The following CDH13 variants were observed in gnomAD, a reference collection of about 807,000 sequenced individuals.
CDH13 encodes the protein cadherin 13, also known as cadherin-13.
In CDH13, 24 loss-of-function variants were observed where a neutral mutation model predicts 63.8. The observed-to-expected ratio is 0.38, with a 90% CI of 0.27 to 0.53. The LOEUF is 0.53. CDH13 is among the 20% of genes least tolerant of loss of function. The probability of loss-of-function intolerance (pLI) is 0.85; values close to 1 mark genes in which losing one functional copy is unlikely to be tolerated. For synonymous variants in CDH13, 503 were observed against 355.3 expected (o/e 1.42, Z -4.67); for missense variants, 1,049 against 903.1 (o/e 1.16, Z -2.07).
chr16:82,866,753 C>T (rs184306982), intron 2 of CDH13, among the ~76,000 whole-genome samples: 37 of 152,148 alleles, frequency 2.4e-4, no homozygotes, highest in African/African-American at 8.9e-4. Flanking sequence ...AGAGAGAAAG[C>T]AAGGCACCTT....
At chr16:83,298,844 A>G (rs1396923754) in intron 5 of CDH13, among the ~76,000 whole-genome samples, 1 of 152,224 alleles carries the variant, frequency 6.6e-6, no homozygotes, top group African/African-American at 2.4e-5. Context: ...ACTCTTCACA[A>G]TGTGATGTCT....
intron 10 of CDH13, among the ~76,000 whole-genome samples, chr16:83,726,680 A>C (rs431482): frequency 1 from 151,329 of 152,024 alleles, 75,326 homozygotes; most frequent in Middle Eastern, 1. Context: ...CTAAAAATAC[A>C]AAAAAAAATT....
intron 1 of CDH13, among the ~76,000 whole-genome samples, chr16:82,752,086 C>G (rs757627915): frequency 3.3e-5 from 5 of 152,174 alleles, no homozygotes; most frequent in Non-Finnish European, 7.4e-5. Flanking sequence ...GAATATCCCC[C>G]AAAGCAGCAG....
chr16:83,276,549 C>G (rs2088994387), intron 5 of CDH13, among the ~76,000 whole-genome samples: 1 of 152,106 alleles, frequency 6.6e-6, no homozygotes, highest in Admixed American at 6.5e-5. Context: ...CTGGGGAGGC[C>G]TCACAGTCAT....
intron 7 of CDH13, among the ~76,000 whole-genome samples, chr16:83,506,016 G>A (rs1239521459): frequency 4.6e-5 from 7 of 152,170 alleles, no homozygotes; most frequent in Non-Finnish European, 4.4e-5. Context: ...CACACATTCA[G>A]GGAATGGGTA....
chr16:82,628,188 C>G (rs1240674160), intron 1 of CDH13, among the ~76,000 whole-genome samples: 1 of 152,206 alleles, frequency 6.6e-6, no homozygotes, highest in Non-Finnish European at 1.5e-5. Context: ...ATCCAGTCCC[C>G]CATCGCCTCT....
intron 5 of CDH13, among the ~76,000 whole-genome samples, chr16:83,289,494 C>G (rs1317897468): frequency 2.6e-5 from 4 of 152,108 alleles, no homozygotes; most frequent in African/African-American, 9.7e-5. Flanking sequence ...TAATGTGCAG[C>G]CTGCGTTGAG....
chr16:83,504,466 G>A (rs1341714804), intron 7 of CDH13, among the ~76,000 whole-genome samples: 1 of 152,184 alleles, frequency 6.6e-6, no homozygotes, highest in Non-Finnish European at 1.5e-5. Flanking sequence ...GTCCAGTGTC[G>A]CTACCACTGG....
At chr16:83,317,613 C>A (rs1322710603) in intron 5 of CDH13, among the ~76,000 whole-genome samples, 6 of 151,984 alleles carry the variant, frequency 3.9e-5, no homozygotes, top group Admixed American at 6.6e-5. Context: ...CCAGCCTGAC[C>A]AACATGGTGA....
intron 3 of CDH13, among the ~76,000 whole-genome samples, chr16:83,104,172 C>G (rs558005032): frequency 5.9e-5 from 9 of 152,146 alleles, no homozygotes; most frequent in Non-Finnish European, 8.8e-5. Context: ...ATCCTAACAT[C>G]AAAACCACTG....
At chr16:82,902,212 C>T (rs935231273) in intron 2 of CDH13, among the ~76,000 whole-genome samples, 3 of 152,036 alleles carry the variant, frequency 2.0e-5, no homozygotes, top group Non-Finnish European at 4.4e-5. Flanking sequence ...GTAAATGTGC[C>T]CTAACCTCCT....
At chr16:83,506,956 A>G (rs1038302745) in intron 7 of CDH13, among the ~76,000 whole-genome samples, 4 of 152,244 alleles carry the variant, frequency 2.6e-5, no homozygotes, top group African/African-American at 4.8e-5. Context: ...CAGCTTCCAT[A>G]TCTCCAAGCC....
chr16:82,660,703 A>C (rs1285295058), intron 1 of CDH13, among the ~76,000 whole-genome samples: 1 of 152,216 alleles, frequency 6.6e-6, no homozygotes, highest in Non-Finnish European at 1.5e-5. Context: ...ATGTATATAC[A>C]TGAACAAAGA....
At chr16:82,936,721 G>A (rs998299089) in intron 2 of CDH13, among the ~76,000 whole-genome samples, 1 of 152,120 alleles carries the variant, frequency 6.6e-6, no homozygotes, top group Non-Finnish European at 1.5e-5. Context: ...AATGACCAAG[G>A]CATATGTTGG....
chr16:83,687,472 G>C (rs1217629648), intron 10 of CDH13, among the ~76,000 whole-genome samples: 1 of 152,106 alleles, frequency 6.6e-6, no homozygotes, highest in African/African-American at 2.4e-5. Context: ...TAAACAACCA[G>C]ATCACGCAAG....
At chr16:82,754,528 G>T (rs919379493) in intron 1 of CDH13, among the ~76,000 whole-genome samples, 2 of 152,098 alleles carry the variant, frequency 1.3e-5, no homozygotes, top group Admixed American at 1.3e-4. Context: ...CCTGAGAACT[G>T]CCATCAAACA....
intron 1 of CDH13, among the ~76,000 whole-genome samples, chr16:82,688,166 C>G (rs1336984475): frequency 6.6e-6 from 1 of 152,160 alleles, no homozygotes; most frequent in Non-Finnish European, 1.5e-5. Flanking sequence ...GCTCTTGCCT[C>G]AAGTGAACCA....
intron 4 of CDH13, among the ~76,000 whole-genome samples, chr16:83,216,624 A>T (rs1456207100): frequency 6.9e-6 from 1 of 144,046 alleles, no homozygotes; most frequent in Non-Finnish European, 1.5e-5. Context: ...TATATAATAC[A>T]TAGGGGTTTA....
chr16:82,975,807 T>C (rs71402043), intron 2 of CDH13, among the ~76,000 whole-genome samples: 6,327 of 152,244 alleles, frequency 0.042, 142 homozygotes, highest in Admixed American at 0.052. Flanking sequence ...GATCTTCCCC[T>C]CCTTAACCAT....
Sources: gnomAD v4.1 joint callset for allele counts (sites outside exome capture counted in the v4.1 genomes callset) on GRCh38, gnomAD v4.1.1 for gene constraint, MANE v1.5 for transcripts, NCBI Gene and HGNC (gene_info 2026-07-23, HGNC 2026-07-21) for gene names.